The following ATG2B variants were observed in gnomAD, a reference collection of about 807,000 sequenced individuals.
ATG2B encodes autophagy related 2B.
In ATG2B, 121 loss-of-function variants were observed where a neutral mutation model predicts 241.3. The ratio of observed to expected loss-of-function variants is 0.50; its 90% confidence interval spans 0.43 to 0.58. The LOEUF is 0.58. ATG2B is among the 20% of genes least tolerant of loss of function. The probability of loss-of-function intolerance (pLI) is 0.00; values close to 1 mark genes in which losing one functional copy is unlikely to be tolerated. For missense variants in ATG2B, 2,306 were observed against 2,491.6 expected, an observed-to-expected ratio of 0.93 and a Z score of 1.59; for synonymous variants, 858 against 876.6, an observed-to-expected ratio of 0.98 and a Z score of 0.37.
chr14:96,309,376 A>G, intron 29 of ATG2B, 77 bp downstream of exon 29: 1 of 1,504,590 alleles, frequency 6.6e-7, no homozygotes, highest in East Asian at 2.3e-5. Context: ...TAAGTGACTT[A>G]TTAAATTTAC....
intron 29 of ATG2B, among the ~76,000 whole-genome samples, chr14:96,308,270 A>ATATATATG (rs1301919671): frequency 0.05 from 1,382 of 27,858 alleles, 76 homozygotes; most frequent in Non-Finnish European, 0.061. Context: ...ATATATATAT[A>ATATATATG]TATATATATA....
chr14:96,308,259 T>C (rs868843927), intron 29 of ATG2B, among the ~76,000 whole-genome samples: 13 of 23,626 alleles, frequency 5.5e-4, no homozygotes, highest in East Asian at 1.2e-3. Context: ...TATACACACA[T>C]ATATATATAT....
At position 96,322,566 on chromosome 14, in the gene ATG2B, G is replaced by A. The variant is rs1430305690; in HGVS notation, c.2710C>T (p.Arg904Cys). 6.2e-6 allele frequency: 10 copies of A among 1,611,908 alleles called. No homozygotes were observed. Among genetic ancestry groups the A allele is most frequent in the African/African-American group, 2.7e-5 (2 of 74,784 alleles). ...TGTTCATTTTCAAACATTACTCTAC[G>A]AGAAGAAAAAGGAGATGGGGCTGGT... Reference protein sequence around the residue: ...RRPAPSPFSSRRVMFENEQMV... With the variant: ...RRPAPSPFSSCRVMFENEQMV... Residue 904 changes from arginine to cysteine, a missense_variant, in exon 17 of 42, where the codon CGT becomes TGT. Physicochemically the swap from Arg to Cys is radical, Grantham distance 180. This residue lies in a region of ATG2B where 1,927 missense variants were observed against 2,011.2 expected (regional missense o/e 0.96). Coordinates refer to ENST00000359933, the MANE Select transcript of ATG2B (RefSeq NM_018036.7).
chr14:96,289,618 A>C lies in ATG2B; in HGVS notation c.6006+38T>G, dbSNP rs560141417. ...TTAGGTGAAAGTTGGGAAAGCGCAC[A>C]GAAGGGTTCTGATGTGTCCACCCAA... is the stretch of plus-strand genomic sequence containing the variant. On this transcript the variant is annotated intron_variant, in intron 41 of 41. Coordinates refer to ENST00000359933, the MANE Select transcript of ATG2B (RefSeq NM_018036.7). The surrounding 1 kb of genome is among the most constrained non-coding windows in gnomAD (Gnocchi z 4.3). The C allele has an allele frequency of 6.2e-7, 1 of 1,604,852 alleles. No individual in the cohort carries two copies. Among genetic ancestry groups the C allele is most frequent in the South Asian group, 1.1e-5 (1 of 89,800 alleles).
rs1272382837 is a variant in ATG2B, at chr14:96,291,393, T to C, written c.5579+207A>G. On this transcript the variant is annotated intron_variant, in intron 38 of 41. Transcript: ENST00000359933. ...TTTAAAATATCCTAAACTATAACTG[T>C]TTTTTCCAAATACTACTCTTTTCAA... is the stretch of plus-strand genomic sequence containing the variant. Among the ~76,000 whole-genome samples, 3 of 152,164 alleles carry C rather than the reference T, an allele frequency of 2.0e-5. No homozygotes were observed. The East Asian group carries it at 5.8e-4, about 29-fold the overall frequency.
At chr14:96,297,237 G>C (rs1405859705) in intron 34 of ATG2B, among the ~76,000 whole-genome samples, 1 of 149,272 alleles carries the variant, frequency 6.7e-6, no homozygotes, top group Admixed American at 6.8e-5. Flanking sequence ...ATAAATGGTG[G>C]GACTCCATGA....
chr14:96,343,412 TAATA>T (rs1282232444), intron 4 of ATG2B, 131 bp from the exon 5 acceptor site: 17 of 278,468 alleles, frequency 6.1e-5, no homozygotes, highest in South Asian at 1.6e-4. Context: ...ATAATAATAA[TAATA>T]AATAAATAAA....
At chr14:96,308,912 A>C (rs1164631924) in intron 29 of ATG2B, among the ~76,000 whole-genome samples, 1 of 152,180 alleles carries the variant, frequency 6.6e-6, no homozygotes, top group Non-Finnish European at 1.5e-5. Context: ...TCTTTTCAAT[A>C]AGAGAACTTT....
chr14:96,317,837 T>A lies in ATG2B; in HGVS notation c.2898A>T (p.Leu966=). 6.2e-7 allele frequency: 1 copy of A among 1,608,976 alleles called. No individual in the cohort carries two copies. Among genetic ancestry groups the A allele is most frequent in the Non-Finnish European group, 8.5e-7 (1 of 1,177,154 alleles). The change falls in exon 19 of 42, where the codon CTA becomes CTT. Residue 966 remains leucine (L), a synonymous_variant. Coordinates refer to ENST00000359933, the MANE Select transcript of ATG2B (RefSeq NM_018036.7). ...GTGAAGGAGCTGTTGGTTCCCACAG[T>A]AGCAAGTCATTAAAGATCCTATAAA... The part of the protein sequence containing the change: ...KLYNRIFNDL[L]LWEPTAPSPV...
intron 36 of ATG2B, among the ~76,000 whole-genome samples, chr14:96,294,404 C>A (rs1047986310): frequency 6.6e-6 from 1 of 152,200 alleles, no homozygotes; most frequent in Non-Finnish European, 1.5e-5. Context: ...GAGGAAACTG[C>A]AGTGTGCTGT....
rs1451824347 is a variant in ATG2B, at chr14:96,280,508, G to C, written c.*5247C>G. ...AAGAGCCATGGGTGAAGTGTGACTTGTCATTTTTTCCCTAATTGTTCAAAG... is the reference window on the plus strand; with the variant it reads ...AAGAGCCATGGGTGAAGTGTGACTTCTCATTTTTTCCCTAATTGTTCAAAG... On this transcript the variant is annotated 3_prime_UTR_variant, in exon 42 of 42. Coordinates refer to ENST00000359933, the MANE Select transcript of ATG2B (RefSeq NM_018036.7). 2 of 152,082 alleles carry C rather than the reference G, an allele frequency of 1.3e-5. No homozygotes were observed. Among genetic ancestry groups the C allele is most frequent in the African/African-American group, 2.4e-5 (1 of 41,434 alleles). 9.4% of individuals were successfully genotyped at this position (152,082 alleles called of 1,614,324 possible).
rs1019116938 is a variant in ATG2B at position 96,290,754 on chromosome 14, A to T, written c.5701+60T>A. On this transcript the variant is annotated intron_variant, in intron 39 of 41. Coordinates refer to ENST00000359933, the MANE Select transcript of ATG2B (RefSeq NM_018036.7). The surrounding 1 kb of genome is among the most constrained non-coding windows in gnomAD (Gnocchi z 4.4). Reference sequence around the variant, plus strand: ...GGTCCTCACATAAGTTCTCAAAGGGATAAGAATTACTCATCTGAAAAAATA... The same window carrying T: ...GGTCCTCACATAAGTTCTCAAAGGGTTAAGAATTACTCATCTGAAAAAATA... 2.0e-5 allele frequency: 32 copies of T among 1,577,906 alleles called. No homozygotes were observed. The highest frequency in any genetic ancestry group is 2.6e-5 in the Non-Finnish European group (30 of 1,161,396).
chr14:96,295,104 T>A lies in ATG2B; in HGVS notation c.5282A>T (p.Glu1761Val), dbSNP rs1247813551. Reference protein sequence around the residue: ...SLPRHLSTSKEPNLVISFSGP... With the variant: ...SLPRHLSTSKVPNLVISFSGP... ...AGAGAAAGAAATAACCAGATTTGGC[T>A]CCTTTGAGGTACTCAAATGCCTTGG... is the stretch of plus-strand genomic sequence containing the variant. Residue 1761 changes from glutamate to valine, a missense_variant, in exon 36 of 42, where the codon GAG becomes GTG. Around this residue, in one of 2 missense-constraint regions of ATG2B, gnomAD observed 379 missense variants for 480.4 expected, o/e 0.79. Transcript: ENST00000359933. 1.9e-6 allele frequency: 3 copies of A among 1,614,108 alleles called. No homozygotes were observed. In the East Asian group the frequency reaches 6.7e-5, roughly 36 times the overall value.
chr14:96,347,078 C>T, intron 2 of ATG2B, 101 bp downstream of exon 2: 1 of 1,104,136 alleles, frequency 9.1e-7, no homozygotes, highest in Non-Finnish European at 1.2e-6. Context: ...CTGAAAATTT[C>T]ACAAATACAA....
At chr14:96,354,108 T>C (rs950833131) in intron 1 of ATG2B, among the ~76,000 whole-genome samples, 1 of 152,216 alleles carries the variant, frequency 6.6e-6, no homozygotes, top group Non-Finnish European at 1.5e-5. Flanking sequence ...TGAGCAAACA[T>C]GGTTAAAGAC....
intron 6 of ATG2B, among the ~76,000 whole-genome samples, chr14:96,340,476 T>C (rs568545949): frequency 6.6e-6 from 1 of 152,066 alleles, no homozygotes; most frequent in East Asian, 1.9e-4. Context: ...TTCTCACTCA[T>C]AGGCAGGAGC....
chr14:96,340,147 GAAT>G (rs1887988060), intron 6 of ATG2B, among the ~76,000 whole-genome samples: 1 of 7,712 alleles, frequency 1.3e-4, no homozygotes, highest in Admixed American at 1.3e-3. Context: ...TGATATATAT[GAAT>G]ATATATATCA....
chr14:96,312,005 AT>A (rs1345510918), intron 26 of ATG2B, 83 bp downstream of exon 26: 1 of 989,644 alleles, frequency 1.0e-6, no homozygotes, highest in Non-Finnish European at 1.6e-6. Flanking sequence ...CACTAGCATT[AT>A]CCCAGAGTTA....
Position 96,315,380 on chromosome 14 carries a change from A to T in ATG2B, c.3561+4T>A. On this transcript the variant is annotated splice_donor_region_variant and intron_variant, in intron 22 of 41. Transcript: ENST00000359933. ...ACAGTGGCATAAAAGTACAAAACAC[A>T]AACCTTTGTATTGGACTCTGATTTA... 1.2e-6 allele frequency: 2 copies of T among 1,613,632 alleles called. No homozygotes were observed. Among genetic ancestry groups the T allele is most frequent in the Non-Finnish European group, 1.7e-6 (2 of 1,179,556 alleles).
Sources: allele counts gnomAD v4.1 joint callset (sites outside exome capture counted in the v4.1 genomes callset), GRCh38; gene constraint gnomAD v4.1.1; regional missense constraint gnomAD v4.1.1; non-coding constraint Gnocchi (gnomAD v3.1); transcripts MANE v1.5; gene names NCBI Gene and HGNC (gene_info 2026-07-23, HGNC 2026-07-21).